The following TFDP2 variants were observed in gnomAD, a reference collection of about 807,000 sequenced individuals.
TFDP2 encodes transcription factor Dp-2 (E2F dimerization partner 2).
A neutral mutation model predicts 59.3 loss-of-function variants in TFDP2; 17 were observed. The ratio of observed to expected loss-of-function variants is 0.29; its 90% CI spans 0.20 to 0.43. The LOEUF is 0.43. Ranked by LOEUF, TFDP2 falls within the 20% of genes least tolerant of loss-of-function variation. TFDP2 has a pLI of 1.00. For synonymous variants in TFDP2, 180 were observed against 194.7 expected (o/e 0.92, Z 0.63); for missense variants, 391 against 528.8 (o/e 0.74, Z 2.56).
At chr3:142,021,115 TAA>T (rs779404131) in intron 3 of TFDP2, among the ~76,000 whole-genome samples, 4 of 152,264 alleles carry the variant, frequency 2.6e-5, no homozygotes, top group Non-Finnish European at 5.9e-5. Flanking sequence ...TCACTAAGAT[TAA>T]ATACAAAGTT....
At chr3:141,977,389 T>A (rs1278166964) in intron 7 of TFDP2, among the ~76,000 whole-genome samples, 3 of 144,718 alleles carry the variant, frequency 2.1e-5, no homozygotes, top group African/African-American at 7.6e-5. Context: ...CTGGGCAACA[T>A]AGTGAGACCT....
At chr3:142,075,212 C>G (rs1443380576) in intron 3 of TFDP2, among the ~76,000 whole-genome samples, 1 of 152,084 alleles carries the variant, frequency 6.6e-6, no homozygotes, top group Non-Finnish European at 1.5e-5. Flanking sequence ...AACTGTAATC[C>G]ATCAAAATTA....
At chr3:141,958,663 C>T (rs995025582) in intron 11 of TFDP2, among the ~76,000 whole-genome samples, 6 of 152,054 alleles carry the variant, frequency 3.9e-5, no homozygotes, top group Non-Finnish European at 5.9e-5. Flanking sequence ...AGTCTACAGA[C>T]GTAAACAACC....
chr3:142,136,725 G>A (rs1031695242), intron 1 of TFDP2, among the ~76,000 whole-genome samples: 1 of 151,000 alleles, frequency 6.6e-6, no homozygotes, highest in African/African-American at 2.4e-5. Flanking sequence ...AAGATCAGAT[G>A]GTTGTAAATG....
At chr3:142,144,328 T>A (rs1279218122) in intron 1 of TFDP2, among the ~76,000 whole-genome samples, 1 of 151,114 alleles carries the variant, frequency 6.6e-6, no homozygotes, top group Non-Finnish European at 1.5e-5. Flanking sequence ...GAGCCGAGAT[T>A]GCACCACTGC....
At chr3:142,123,495 T>C (rs1383543049) in intron 1 of TFDP2, among the ~76,000 whole-genome samples, 2 of 152,110 alleles carry the variant, frequency 1.3e-5, no homozygotes, top group African/African-American at 4.8e-5. Flanking sequence ...CTTGAACTCC[T>C]GACCTCAAAT....
At chr3:142,001,112 G>T (rs577172299) in intron 4 of TFDP2, among the ~76,000 whole-genome samples, 1 of 152,180 alleles carries the variant, frequency 6.6e-6, no homozygotes, top group Non-Finnish European at 1.5e-5. Context: ...GGTTCCCAAT[G>T]GTGGCCTCAC....
intron 3 of TFDP2, among the ~76,000 whole-genome samples, chr3:142,015,521 C>T (rs191140208): frequency 3.9e-5 from 6 of 152,292 alleles, no homozygotes; most frequent in Admixed American, 3.9e-4. Flanking sequence ...CACATTCAAT[C>T]CATTCATAAG....
intron 3 of TFDP2, among the ~76,000 whole-genome samples, chr3:142,089,795 T>C (rs766521653): frequency 1.3e-5 from 2 of 152,098 alleles, no homozygotes; most frequent in Non-Finnish European, 2.9e-5. Context: ...GCAAAGTGTG[T>C]TTTTTAGATT....
At chr3:142,012,637 T>C (rs1944811711) in intron 3 of TFDP2, among the ~76,000 whole-genome samples, 2 of 152,288 alleles carry the variant, frequency 1.3e-5, no homozygotes, top group South Asian at 2.1e-4. Flanking sequence ...TGTCCTATTA[T>C]AAGAGAACAC....
rs1383586838 is a variant in TFDP2 at position 142,003,456 on chromosome 3, C to A, written c.186+1985G>T. On this transcript the variant is annotated intron_variant, in intron 4 of 12. Transcript: ENST00000489671. ...CAACTTCTTTTATAAGGTCACTAAT[C>A]CCCTCAATGAGAATGAAGCCCTCAT... Among the ~76,000 whole-genome samples the A allele has an allele frequency of 2.6e-5, 4 of 152,262 alleles. No individual in the cohort carries two copies. The East Asian group carries it at 7.7e-4, about 29-fold the overall frequency.
At chr3:142,038,367 G>A (rs1309246811) in intron 3 of TFDP2, among the ~76,000 whole-genome samples, 2 of 121,080 alleles carry the variant, frequency 1.7e-5, no homozygotes, top group Non-Finnish European at 3.2e-5. Flanking sequence ...CTGGGCGACA[G>A]AGCGAGACTC....
chr3:142,078,073 G>A (rs1258368418), intron 3 of TFDP2, among the ~76,000 whole-genome samples: 1 of 152,060 alleles, frequency 6.6e-6, no homozygotes, highest in Non-Finnish European at 1.5e-5. Flanking sequence ...GGTGGTGGCT[G>A]GGGGAAAGAC....
At chr3:142,076,180 C>T (rs1417963184) in intron 3 of TFDP2, among the ~76,000 whole-genome samples, 1 of 147,708 alleles carries the variant, frequency 6.8e-6, no homozygotes, top group Non-Finnish European at 1.5e-5. Context: ...CACTGCACTC[C>T]ATCCTGGGCA....
At chr3:142,066,810 T>C (rs2060088106) in intron 3 of TFDP2, among the ~76,000 whole-genome samples, 1 of 152,168 alleles carries the variant, frequency 6.6e-6, no homozygotes, top group Admixed American at 6.5e-5. Flanking sequence ...TGTGTACTTC[T>C]CTCATAACTG....
chr3:141,969,994 C>T (rs1236142340), intron 9 of TFDP2, 79 bp downstream of exon 9: 24 of 1,407,296 alleles, frequency 1.7e-5, no homozygotes, highest in Non-Finnish European at 2.2e-5. Flanking sequence ...AGAGGCACCA[C>T]AATTAGAAAA....
rs1264774228 is a variant in TFDP2, at chr3:141,950,130, C to T, written c.*2383G>A. Reference sequence around the variant, plus strand: ...CCCATGGTTTCCTAACACTGCCTCACTTTGATCTTGTGTGAAATTGTGACT... The same window carrying T: ...CCCATGGTTTCCTAACACTGCCTCATTTTGATCTTGTGTGAAATTGTGACT... On this transcript the variant is annotated 3_prime_UTR_variant, in exon 13 of 13. Transcript: ENST00000489671. The T allele has an allele frequency of 6.6e-6, 1 of 152,186 alleles. No homozygotes were observed. Among genetic ancestry groups the T allele is most frequent in the Non-Finnish European group, 1.5e-5 (1 of 68,088 alleles). 9.4% of individuals were successfully genotyped at this position (152,186 alleles called of 1,614,324 possible).
rs115496045 is a variant in TFDP2, at chr3:142,058,497, G to A, written c.82+34564C>T. Among the ~76,000 whole-genome samples the A allele has an allele frequency of 2.3e-3, 345 of 152,156 alleles. 4 individuals carry two copies. Among genetic ancestry groups the A allele is most frequent in the African/African-American group, 7.8e-3 (323 of 41,512 alleles). The stretch of plus-strand genomic sequence containing the variant: ...CACAGCTGCTAGCCACAGATGACAT[G>A]CCCAGGCTACTCCCATTTCTGCCTA... On this transcript the variant is annotated intron_variant, in intron 3 of 12. Coordinates refer to ENST00000489671, the MANE Select transcript of TFDP2 (RefSeq NM_001178139.2).
intron 10 of TFDP2, among the ~76,000 whole-genome samples, chr3:141,960,431 G>A (rs1373187081): frequency 6.6e-6 from 1 of 152,148 alleles, no homozygotes; most frequent in East Asian, 1.9e-4. Flanking sequence ...TACCCAAATT[G>A]GATTCCCAGC....
Sources: allele counts gnomAD v4.1 joint callset (sites outside exome capture counted in the v4.1 genomes callset), GRCh38; gene constraint gnomAD v4.1.1; transcripts MANE v1.5; gene names NCBI Gene and HGNC (gene_info 2026-07-23, HGNC 2026-07-21).